FIG4: variants seen among roughly 807,000 people sequenced by gnomAD.
FIG4 encodes the protein FIG4 phosphoinositide 5-phosphatase, also known as polyphosphoinositide phosphatase.
Under a neutral mutation model 118.6 loss-of-function variants are expected in FIG4, and 112 were observed. That is an observed-to-expected ratio of 0.94 (90% confidence interval 0.81 to 1.11). The LOEUF (loss-of-function observed/expected upper bound fraction) is 1.11. Among genes scored for constraint, FIG4 ranks in the 50% least tolerant of loss-of-function variants. The pLI, the probability that FIG4 is intolerant of heterozygous loss-of-function variation, is 0.00. For missense variants in FIG4, 969 were observed against 1,111.7 expected (o/e 0.87, Z 1.83); for synonymous variants, 369 against 381.2 (o/e 0.97, Z 0.37).
chr6:109,713,803 G>T (rs1048890757), intron 1 of FIG4, among the ~76,000 whole-genome samples: 2 of 152,084 alleles, frequency 1.3e-5, no homozygotes. Context: ...CACCAATCAG[G>T]TGCCAGTCCA....
At chr6:109,786,707 G>C (rs1777969157) in intron 18 of FIG4, among the ~76,000 whole-genome samples, 1 of 151,968 alleles carries the variant, frequency 6.6e-6, no homozygotes. Context: ...TTTGCCATTT[G>C]GAATAAACTC....
intron 22 of FIG4, among the ~76,000 whole-genome samples, chr6:109,815,799 CAAACAAAAAA>C (rs1391334694): frequency 2.7e-5 from 4 of 147,764 alleles, no homozygotes; most frequent in Non-Finnish European, 6.0e-5. Context: ...CTAAAGCAAG[CAAACAAAAAA>C]AAACAATAAA....
chr6:109,766,953 T>A, intron 15 of FIG4, 58 bp downstream of exon 15: 1 of 1,407,338 alleles, frequency 7.1e-7, no homozygotes, highest in Non-Finnish European at 1.0e-6. Flanking sequence ...TTTTTGTATG[T>A]CTTTTAAAGC....
intron 10 of FIG4, 87 bp downstream of exon 10, chr6:109,743,859 T>C (rs1169917760): frequency 3.3e-6 from 3 of 919,664 alleles, no homozygotes. Flanking sequence ...CAAGCCATGC[T>C]TTCCCTCTTC....
intron 6 of FIG4, among the ~76,000 whole-genome samples, chr6:109,736,542 C>T (rs912744900): frequency 4.6e-5 from 7 of 152,128 alleles, no homozygotes; most frequent in South Asian, 2.1e-4. Flanking sequence ...TTGCTTGCAA[C>T]GCTTCTGAAT....
intron 15 of FIG4, among the ~76,000 whole-genome samples, chr6:109,771,888 T>C (rs1420716246): frequency 6.6e-6 from 1 of 152,198 alleles, no homozygotes; most frequent in African/African-American, 2.4e-5. Flanking sequence ...TAATGCATCA[T>C]TGCCATTAAC....
At chr6:109,756,844 T>G (rs1336373976) in intron 10 of FIG4, among the ~76,000 whole-genome samples, 1 of 152,206 alleles carries the variant, frequency 6.6e-6, no homozygotes, top group East Asian at 1.9e-4. Flanking sequence ...CGTTTAAATT[T>G]TTTTCAAAGT....
At chr6:109,696,330 T>A (rs1248260621) in intron 1 of FIG4, among the ~76,000 whole-genome samples, 1 of 152,218 alleles carries the variant, frequency 6.6e-6, no homozygotes, top group Non-Finnish European at 1.5e-5. Flanking sequence ...TGCAAAAAAA[T>A]TTTGAAATCC....
chr6:109,727,710 T>A (rs1415037724), intron 4 of FIG4, among the ~76,000 whole-genome samples: 1 of 152,120 alleles, frequency 6.6e-6, no homozygotes, highest in Non-Finnish European at 1.5e-5. Context: ...ACATCACCAA[T>A]AATGAGACGA....
chr6:109,736,652 C>A (rs145952919), intron 6 of FIG4, among the ~76,000 whole-genome samples: 6 of 152,270 alleles, frequency 3.9e-5, no homozygotes, highest in African/African-American at 1.4e-4. Context: ...GTGAATTAAG[C>A]CTCCAATGCT....
chr6:109,716,678 C>T, intron 3 of FIG4, 110 bp downstream of exon 3: 2 of 1,284,874 alleles, frequency 1.6e-6, no homozygotes, highest in Admixed American at 3.8e-5. Context: ...ATTATAATTA[C>T]CTGTAGCTTT....
intron 10 of FIG4, among the ~76,000 whole-genome samples, chr6:109,747,689 A>G (rs935239116): frequency 5.3e-5 from 8 of 152,156 alleles, no homozygotes; most frequent in Non-Finnish European, 1.0e-4. Flanking sequence ...TACATGTGAA[A>G]GGGATAGTTG....
intron 4 of FIG4, 113 bp downstream of exon 4, chr6:109,727,378 TC>T (rs1256191885): frequency 3.6e-6 from 3 of 838,608 alleles, no homozygotes; most frequent in African/African-American, 1.7e-5. Context: ...AGCCTTGGCC[TC>T]CCAGGCTCAA....
chr6:109,741,668 A>G, intron 8 of FIG4, 124 bp downstream of exon 8: 1 of 752,228 alleles, frequency 1.3e-6, no homozygotes, highest in South Asian at 1.4e-5. Flanking sequence ...AAGAGAATAC[A>G]GTTGCCTTTT....
chr6:109,724,088 T>C (rs1775700622), intron 3 of FIG4, among the ~76,000 whole-genome samples: 1 of 152,108 alleles, frequency 6.6e-6, no homozygotes, highest in Non-Finnish European at 1.5e-5. Flanking sequence ...ATCCATTGGT[T>C]TTTGTTGTTG....
At chr6:109,818,295 G>T (rs971136112) in intron 22 of FIG4, among the ~76,000 whole-genome samples, 1 of 152,038 alleles carries the variant, frequency 6.6e-6, no homozygotes, top group Non-Finnish European at 1.5e-5. Context: ...CCACCTCCTG[G>T]GTTCAAGCAA....
chr6:109,789,650 CAG>C lies in FIG4; in HGVS notation c.2155_2156del (p.Asp719Ter). On this transcript the variant is annotated frameshift_variant, in exon 19 of 23. Transcript: ENST00000230124. LOFTEE classifies it high-confidence loss of function. ...CCAAGTCCATTTACTGTGCGTAAAC[CAG>C]ATGAAACTGGAAAATCAGTATTGGG... is the stretch of plus-strand genomic sequence containing the variant. 1 of 1,613,238 alleles carries C rather than the reference CAG, an allele frequency of 6.2e-7. No homozygotes were observed. The highest frequency in any genetic ancestry group is 8.5e-7 in the Non-Finnish European group (1 of 1,179,364).
chr6:109,743,883 G>A lies in FIG4; in HGVS notation c.1137+111G>A, dbSNP rs9374117. On this transcript the variant is annotated intron_variant, in intron 10 of 22. Transcript: ENST00000230124. ...CTTTCCCTCTTCCTAGTGGAGAGAC[G>A]TGCAGATTATTATGCTGGGACAGCT... The A allele has an allele frequency of 0.063, 51,544 of 813,192 alleles. 3,424 individuals carry two copies. Among genetic ancestry groups the A allele is most frequent in the African/African-American group, 0.24 (14,487 of 60,116 alleles). 50.4% of individuals were successfully genotyped at this position (813,192 alleles called of 1,614,324 possible).
intron 22 of FIG4, among the ~76,000 whole-genome samples, chr6:109,815,495 G>GCCCCCCCCCC (rs112617514): frequency 6.5e-4 from 58 of 89,236 alleles, no homozygotes; most frequent in South Asian, 7.8e-4. Context: ...ACTCCAGGCT[G>GCCCCCCCCCC]CCCCCCCCAC....
Sources: gnomAD v4.1 joint callset for allele counts (sites outside exome capture counted in the v4.1 genomes callset) on GRCh38, gnomAD v4.1.1 for gene constraint, MANE v1.5 for transcripts, NCBI Gene and HGNC (gene_info 2026-07-23, HGNC 2026-07-21) for gene names.